The following PDGFD variants were observed in gnomAD, a reference collection of about 807,000 sequenced individuals.
PDGFD encodes platelet-derived growth factor D.
Under a neutral mutation model 44.7 loss-of-function variants are expected in PDGFD, and 30 were observed. The observed-to-expected ratio is 0.67, with a 90% CI of 0.50 to 0.91. The LOEUF (loss-of-function observed/expected upper bound fraction) is 0.91, where lower values mean the gene tolerates loss of function less well. Ranked by LOEUF, PDGFD falls within the 40% of genes least tolerant of loss-of-function variation. PDGFD has a pLI of 0.00. For missense variants in PDGFD, 445 were observed against 457.8 expected, an observed-to-expected ratio of 0.97 and a Z score of 0.25; for synonymous variants, 173 against 168.4, an observed-to-expected ratio of 1.03 and a Z score of -0.21.
chr11:103,935,107 T>A (rs1158660863), intron 5 of PDGFD, among the ~76,000 whole-genome samples: 1 of 152,232 alleles, frequency 6.6e-6, no homozygotes, highest in Non-Finnish European at 1.5e-5. Context: ...CATCCGACGC[T>A]AAAAGTTACC....
intron 3 of PDGFD, among the ~76,000 whole-genome samples, chr11:103,962,509 A>G (rs1195971795): frequency 6.6e-6 from 1 of 152,182 alleles, no homozygotes; most frequent in Admixed American, 6.6e-5. Context: ...TACAAACAAA[A>G]TAAAAGCAAA....
chr11:103,989,826 T>C (rs1315686455), intron 3 of PDGFD, among the ~76,000 whole-genome samples: 1 of 152,190 alleles, frequency 6.6e-6, no homozygotes, highest in African/African-American at 2.4e-5. Flanking sequence ...AGACTTTTTA[T>C]TGAGCACCTT....
chr11:104,030,477 A>C (rs1025828960), intron 1 of PDGFD, among the ~76,000 whole-genome samples: 21 of 152,202 alleles, frequency 1.4e-4, no homozygotes, highest in African/African-American at 4.6e-4. Context: ...AACTCAGGGC[A>C]CTGCACAGGC....
At chr11:104,126,322 A>C (rs1421678475) in intron 1 of PDGFD, among the ~76,000 whole-genome samples, 1 of 152,184 alleles carries the variant, frequency 6.6e-6, no homozygotes, top group East Asian at 1.9e-4. Flanking sequence ...GCCCTCCTCC[A>C]GTCCAACAGG....
At chr11:103,916,826 C>T (rs898782373) in intron 6 of PDGFD, among the ~76,000 whole-genome samples, 2 of 152,168 alleles carry the variant, frequency 1.3e-5, no homozygotes, top group Admixed American at 6.5e-5. Context: ...TCTCAGCAAA[C>T]TAACACAAGA....
At chr11:104,101,987 T>C (rs1451337377) in intron 1 of PDGFD, among the ~76,000 whole-genome samples, 3 of 151,956 alleles carry the variant, frequency 2.0e-5, no homozygotes, top group Non-Finnish European at 4.4e-5. Flanking sequence ...GAAGAAAACC[T>C]AGGCAATACC....
intron 1 of PDGFD, among the ~76,000 whole-genome samples, chr11:104,098,073 G>A (rs569596257): frequency 2.6e-4 from 39 of 152,264 alleles, no homozygotes; most frequent in Non-Finnish European, 5.1e-4. Context: ...TACTTTGCCT[G>A]AAAACATTTC....
chr11:104,096,506 C>T (rs558163840), intron 1 of PDGFD, among the ~76,000 whole-genome samples: 2 of 152,190 alleles, frequency 1.3e-5, no homozygotes, highest in African/African-American at 4.8e-5. Flanking sequence ...AATTCCCTTT[C>T]TTCATTCAGC....
At chr11:104,037,294 T>A in intron 1 of PDGFD, 1 of 1,613,540 alleles carries the variant, frequency 6.2e-7, no homozygotes. Context: ...CCACGATCTG[T>A]CCCTGCTCAA....
In PDGFD at chr11:103,976,649, G is replaced by A. The variant is rs180868101; in HGVS notation, c.510+19416C>T. The stretch of plus-strand genomic sequence containing the variant: ...CTTCCAGCTTTTGCCAGTTCAGTAC[G>A]ATATTGGCTATGGGTTTCTCATAAA... On this transcript the variant is annotated intron_variant, in intron 3 of 6. Coordinates refer to ENST00000393158, the MANE Select transcript of PDGFD (RefSeq NM_025208.5). Among the ~76,000 whole-genome samples the A allele has an allele frequency of 3.2e-3, 489 of 152,018 alleles. 3 individuals carry two copies. The highest frequency in any genetic ancestry group is 0.011 in the African/African-American group (458 of 41,506).
intron 1 of PDGFD, among the ~76,000 whole-genome samples, chr11:104,027,856 T>G (rs2173882): frequency 0.29 from 43,897 of 152,140 alleles, 7,976 homozygotes; most frequent in Admixed American, 0.48. Flanking sequence ...ACAGATCTCC[T>G]GGCCTTCTTG....
chr11:104,150,429 G>A (rs563438341), intron 1 of PDGFD, among the ~76,000 whole-genome samples: 58 of 152,276 alleles, frequency 3.8e-4, no homozygotes, highest in African/African-American at 1.2e-3. Context: ...GGGAAACTGG[G>A]CTGAACAAAC....
At chr11:104,086,534 C>T (rs1861133143) in intron 1 of PDGFD, among the ~76,000 whole-genome samples, 1 of 152,140 alleles carries the variant, frequency 6.6e-6, no homozygotes, top group African/African-American at 2.4e-5. Context: ...ATTTTAAAGG[C>T]AGTTTTATAA....
chr11:104,096,232 T>C (rs1861284897), intron 1 of PDGFD, among the ~76,000 whole-genome samples: 1 of 82,566 alleles, frequency 1.2e-5, no homozygotes, highest in South Asian at 3.7e-4. Context: ...AGCTGTTTTA[T>C]TTTTCCTGCA....
chr11:103,939,848 C>T (rs537909305), intron 5 of PDGFD, among the ~76,000 whole-genome samples: 1 of 152,068 alleles, frequency 6.6e-6, no homozygotes, highest in African/African-American at 2.4e-5. Flanking sequence ...TTTGAAACTA[C>T]AGTTATCTAC....
chr11:103,968,449 T>A (rs1426959130), intron 3 of PDGFD, among the ~76,000 whole-genome samples: 1 of 152,196 alleles, frequency 6.6e-6, no homozygotes, highest in Non-Finnish European at 1.5e-5. Context: ...TAAAACCTAC[T>A]CATCGTCGTC....
chr11:103,936,921 G>A (rs1280388108), intron 5 of PDGFD, among the ~76,000 whole-genome samples: 2 of 151,824 alleles, frequency 1.3e-5, no homozygotes, highest in African/African-American at 4.8e-5. Flanking sequence ...GAACTACCCG[G>A]GCTCAAGTGA....
At chr11:104,139,976 C>T (rs1443944277) in intron 1 of PDGFD, among the ~76,000 whole-genome samples, 1 of 56,792 alleles carries the variant, frequency 1.8e-5, no homozygotes, top group African/African-American at 1.1e-4. Context: ...AGGAGAATGG[C>T]GTGAACCCAG....
intron 1 of PDGFD, among the ~76,000 whole-genome samples, chr11:104,114,531 T>C (rs1423283773): frequency 1.3e-5 from 2 of 152,048 alleles, no homozygotes; most frequent in African/African-American, 2.4e-5. Context: ...GTAGTGTCAG[T>C]CCTCCAACTT....
Sources: gnomAD v4.1 joint callset for allele counts (sites outside exome capture counted in the v4.1 genomes callset) on GRCh38, gnomAD v4.1.1 for gene constraint, MANE v1.5 for transcripts, NCBI Gene and HGNC (gene_info 2026-07-23, HGNC 2026-07-21) for gene names.